The following AOAH variants were observed in gnomAD, a reference collection of about 807,000 sequenced individuals.
AOAH encodes the protein acyloxyacyl hydrolase, also known as acyloxyacyl hydrolase (neutrophil).
AOAH carries 64 observed loss-of-function variants against 92.2 expected under a neutral mutation model. The observed-to-expected ratio is 0.69, with a 90% confidence interval of 0.57 to 0.86. The LOEUF is 0.86. Among genes scored for constraint, AOAH ranks in the 40% least tolerant of loss-of-function variants. The pLI is 0.00. For synonymous variants in AOAH, 263 were observed against 254.5 expected, an observed-to-expected ratio of 1.03 and a Z score of -0.32; for missense variants, 656 against 694.6, an observed-to-expected ratio of 0.94 and a Z score of 0.62.
intron 13 of AOAH, 81 bp downstream of exon 13, chr7:36,576,493 A>C: frequency 1.3e-6 from 1 of 796,340 alleles, no homozygotes; most frequent in Non-Finnish European, 2.0e-6. Context: ...TGTTATCTGA[A>C]TCTCAGCTTT....
chr7:36,682,931 C>A (rs1328409051), intron 2 of AOAH, among the ~76,000 whole-genome samples: 1 of 151,994 alleles, frequency 6.6e-6, no homozygotes, highest in Non-Finnish European at 1.5e-5. Context: ...ACCGAACAAA[C>A]ACTAAAACAT....
rs200824146 is a variant in AOAH, at chr7:36,531,243, C to T, written c.1426-729G>A. On this transcript the variant is annotated intron_variant, in intron 18 of 20. Coordinates refer to ENST00000617537, the MANE Select transcript of AOAH (RefSeq NM_001637.4). ...ACTAACTTTGGGTGGTGGAATTTTG[C>T]GTGATATTTGTTATTGTTCTTTATG... Among the ~76,000 whole-genome samples, 12 of 152,084 alleles carry T rather than the reference C, an allele frequency of 7.9e-5. No homozygotes were observed. In the East Asian group the frequency reaches 9.6e-4, roughly 12 times the overall value.
chr7:36,607,342 G>A (rs1791082894), intron 11 of AOAH, among the ~76,000 whole-genome samples: 1 of 152,192 alleles, frequency 6.6e-6, no homozygotes, highest in Admixed American at 6.5e-5. Context: ...GGTCCTTGGT[G>A]CAGCAAAGGA....
chr7:36,638,547 A>C lies in AOAH; in HGVS notation c.391-637T>G, dbSNP rs369430061. On this transcript the variant is annotated intron_variant, in intron 4 of 20. Transcript: ENST00000617537. Reference sequence around the variant, plus strand: ...TACTACCAGTAATGATTGCTGTGAAACTCCAAAGAACACTGTGTTTGTCTA... The same window carrying C: ...TACTACCAGTAATGATTGCTGTGAACCTCCAAAGAACACTGTGTTTGTCTA... Among the ~76,000 whole-genome samples, 18 of 151,188 alleles carry C rather than the reference A, an allele frequency of 1.2e-4. No individual in the cohort carries two copies. In the East Asian group the frequency reaches 3.5e-3, roughly 29 times the overall value.
At chr7:36,702,799 C>T (rs1307634362) in intron 1 of AOAH, among the ~76,000 whole-genome samples, 1 of 152,054 alleles carries the variant, frequency 6.6e-6, no homozygotes, top group Non-Finnish European at 1.5e-5. Context: ...GTGGCTGTGG[C>T]AATTTCTTAA....
intron 13 of AOAH, among the ~76,000 whole-genome samples, chr7:36,568,240 C>T (rs1196452962): frequency 6.6e-6 from 1 of 152,214 alleles, no homozygotes; most frequent in East Asian, 1.9e-4. Context: ...GCCTTCCCCA[C>T]TGATAACAGG....
At chr7:36,644,819 C>T (rs112018925) in intron 4 of AOAH, among the ~76,000 whole-genome samples, 1 of 148,962 alleles carries the variant, frequency 6.7e-6, no homozygotes, top group African/African-American at 2.5e-5. Flanking sequence ...CATTTGACAG[C>T]AGTGACAGAT....
At chr7:36,561,542 C>G (rs964622585) in intron 13 of AOAH, among the ~76,000 whole-genome samples, 18 of 152,160 alleles carry the variant, frequency 1.2e-4, no homozygotes, top group African/African-American at 3.4e-4. Flanking sequence ...GCACAGCCCC[C>G]ATGCGCTGTG....
At chr7:36,583,154 A>C (rs570905303) in intron 12 of AOAH, among the ~76,000 whole-genome samples, 4 of 152,172 alleles carry the variant, frequency 2.6e-5, no homozygotes, top group Non-Finnish European at 5.9e-5. Context: ...ATGAGTCTCC[A>C]TTAAGTTGAA....
intron 12 of AOAH, among the ~76,000 whole-genome samples, chr7:36,586,211 C>A (rs1789311847): frequency 6.6e-6 from 1 of 152,122 alleles, no homozygotes; most frequent in Non-Finnish European, 1.5e-5. Flanking sequence ...ATCTATTATT[C>A]CCTTGCTGCT....
intron 11 of AOAH, among the ~76,000 whole-genome samples, chr7:36,613,195 C>T (rs1009415295): frequency 1.3e-5 from 2 of 152,174 alleles, no homozygotes; most frequent in Non-Finnish European, 2.9e-5. Flanking sequence ...TGCCATACAG[C>T]ACTTTCAACA....
intron 11 of AOAH, 108 bp downstream of exon 11, chr7:36,616,272 A>G (rs1791872304): frequency 5.8e-6 from 5 of 865,222 alleles, no homozygotes; most frequent in Non-Finnish European, 9.4e-6. Flanking sequence ...ATTTTGCTAA[A>G]GAGGGAAATT....
rs778160612 is a variant in AOAH at position 36,532,279 on chromosome 7, T to C, written c.1365+7A>G. 4 of 1,613,972 alleles carry C rather than the reference T, an allele frequency of 2.5e-6. No homozygotes were observed. In the South Asian group the frequency reaches 4.4e-5, roughly 18 times the overall value. On this transcript the variant is annotated splice_region_variant and intron_variant, in intron 17 of 20. Transcript: ENST00000617537. ...GCGGGCCTTGAAGCAAGCCAGTGAG[T>C]GCTCACCTGGAGGCAGTTCAGGAAG...
intron 13 of AOAH, among the ~76,000 whole-genome samples, chr7:36,551,517 C>T (rs1583796267): frequency 6.6e-6 from 1 of 152,186 alleles, no homozygotes; most frequent in East Asian, 1.9e-4. Context: ...GAATAACTTT[C>T]CACTAACTCC....
At chr7:36,663,676 T>G (rs1244845026) in intron 3 of AOAH, among the ~76,000 whole-genome samples, 5 of 152,226 alleles carry the variant, frequency 3.3e-5, no homozygotes, top group Non-Finnish European at 7.3e-5. Context: ...GAACAATATT[T>G]CATTGCGTGG....
Position 36,571,440 on chromosome 7 carries a change from G to T in AOAH, c.1021+5134C>A, listed in dbSNP as rs531158516. 7.2e-5 allele frequency among the ~76,000 whole-genome samples: 11 copies of T among 152,264 alleles called. No homozygotes were observed. The East Asian group carries it at 2.1e-3, about 29-fold the overall frequency. Reference sequence around the variant, plus strand: ...GCTCTCCAGCCCCTTCCAATCCTTAGCCCCACCATCCTCAGGGCTTCTTTG... The same window carrying T: ...GCTCTCCAGCCCCTTCCAATCCTTATCCCCACCATCCTCAGGGCTTCTTTG... On this transcript the variant is annotated intron_variant, in intron 13 of 20. Transcript: ENST00000617537.
chr7:36,684,095 G>T (rs77621422), intron 2 of AOAH, among the ~76,000 whole-genome samples: 5 of 152,188 alleles, frequency 3.3e-5, no homozygotes, highest in Middle Eastern at 3.2e-3. Flanking sequence ...AGAAACCAGG[G>T]CTTTTAAGAG....
intron 13 of AOAH, among the ~76,000 whole-genome samples, chr7:36,560,777 G>T (rs139818761): frequency 5.3e-5 from 8 of 152,328 alleles, no homozygotes; most frequent in African/African-American, 1.7e-4. Context: ...ATGCTGAACA[G>T]GAGTGATGAG....
intron 5 of AOAH, among the ~76,000 whole-genome samples, chr7:36,635,493 A>G (rs1417145345): frequency 1.3e-5 from 2 of 152,136 alleles, no homozygotes; most frequent in Non-Finnish European, 1.5e-5. Context: ...GTCGTGTATT[A>G]TATTACCTGG....
Sources: allele counts gnomAD v4.1 joint callset (sites outside exome capture counted in the v4.1 genomes callset), GRCh38; gene constraint gnomAD v4.1.1; transcripts MANE v1.5; gene names NCBI Gene and HGNC (gene_info 2026-07-23, HGNC 2026-07-21).